ZNF816: variants seen among roughly 807,000 people sequenced by gnomAD.
ZNF816 encodes the protein zinc finger protein 816A.
A neutral mutation model predicts 8.3 loss-of-function variants in ZNF816; 11 were observed. That is an observed-to-expected ratio of 1.32 (90% CI 0.83 to 2.19). The LOEUF is 2.19. Ranked by LOEUF, ZNF816 falls within the 30% of genes most tolerant of loss-of-function variation. The pLI is 0.00. For missense variants in ZNF816, 710 were observed against 779.3 expected (o/e 0.91, Z 1.06); for synonymous variants, 255 against 254.5 (o/e 1.00, Z -0.02).
At chr19:52,955,211 A>C (rs565431517) in intron 2 of ZNF816, among the ~76,000 whole-genome samples, 3 of 152,322 alleles carry the variant, frequency 2.0e-5, no homozygotes, top group African/African-American at 7.2e-5. Context: ...AAACAAAAAA[A>C]AAGTCTCTGT....
intron 1 of ZNF816, among the ~76,000 whole-genome samples, chr19:52,960,694 GC>G (rs2083548876): frequency 2.0e-5 from 3 of 151,816 alleles, no homozygotes; most frequent in Non-Finnish European, 4.4e-5. Flanking sequence ...CTGGAACGTA[GC>G]CCCTGTGTGC....
chr19:52,950,682 C>T lies in ZNF816; in HGVS notation c.1093G>A (p.Gly365Arg), dbSNP rs1489115875. The T allele has an allele frequency of 5.0e-6, 8 of 1,614,082 alleles. No homozygotes were observed. Among genetic ancestry groups the T allele is most frequent in the Non-Finnish European group, 6.8e-6 (8 of 1,180,000 alleles). Reference protein sequence around the residue: ...ALVIHKAIHTGEKPYKCNECG... With the variant: ...ALVIHKAIHTREKPYKCNECG... ...TCATTACACTTGTAAGGTTTCTCTCCAGTATGAATTGCCTTATGAATTACA... is the reference window on the plus strand; with the variant it reads ...TCATTACACTTGTAAGGTTTCTCTCTAGTATGAATTGCCTTATGAATTACA... The change falls in exon 4 of 4, where the codon GGA becomes AGA. Residue 365 changes from glycine (G) to arginine (R), a missense_variant. Transcript: ENST00000444460.
chr19:52,961,198 C>T (rs1391763427), intron 1 of ZNF816, among the ~76,000 whole-genome samples: 1 of 152,180 alleles, frequency 6.6e-6, no homozygotes, highest in Non-Finnish European at 1.5e-5. Flanking sequence ...CCATCTAAGC[C>T]TCCTGCAACC....
intron 3 of ZNF816, chr19:52,952,515 A>T: frequency 1.5e-6 from 1 of 653,924 alleles, no homozygotes; most frequent in African/African-American, 1.9e-5. Context: ...GAGCAGGATG[A>T]TGTTCAATTG....
intron 1 of ZNF816, among the ~76,000 whole-genome samples, chr19:52,962,431 G>A (rs559321799): frequency 1.3e-5 from 2 of 152,104 alleles, no homozygotes; most frequent in Admixed American, 6.5e-5. Flanking sequence ...AGATGGAAAG[G>A]GAAAGAGCCC....
rs1344381697 is a variant in ZNF816 at position 52,957,473 on chromosome 19, G to A, written c.-15-1369C>T. 6.6e-6 allele frequency among the ~76,000 whole-genome samples: 1 copy of A among 152,158 alleles called. No individual in the cohort carries two copies. Among genetic ancestry groups the A allele is most frequent in the African/African-American group, 2.4e-5 (1 of 41,438 alleles). On this transcript the variant is annotated intron_variant, in intron 1 of 3. Coordinates refer to ENST00000444460, the MANE Select transcript of ZNF816 (RefSeq NM_001202457.3). This position sits in a 1 kb window ranked among gnomAD's most constrained non-coding sequence, Gnocchi z 4.6. Reference sequence around the variant, plus strand: ...CCTCAGCTAAAAGGAAAACAAGGTGGCTCAGAGCAGGAGGCCCCAGAAGGA... The same window carrying A: ...CCTCAGCTAAAAGGAAAACAAGGTGACTCAGAGCAGGAGGCCCCAGAAGGA...
chr19:52,955,516 T>C (rs566915930), intron 2 of ZNF816, among the ~76,000 whole-genome samples: 1 of 152,344 alleles, frequency 6.6e-6, no homozygotes, highest in South Asian at 2.1e-4. Flanking sequence ...AGTGACACCG[T>C]GTCTCTTAAA....
chr19:52,961,851 A>G (rs1010548154), intron 1 of ZNF816, among the ~76,000 whole-genome samples: 4 of 152,212 alleles, frequency 2.6e-5, no homozygotes, highest in South Asian at 2.1e-4. Context: ...TGGCCTCAGG[A>G]AGCCCGAGAG....
intron 2 of ZNF816, among the ~76,000 whole-genome samples, chr19:52,953,554 AT>A: frequency 2.1e-5 from 1 of 46,604 alleles, no homozygotes; most frequent in South Asian, 6.4e-4. Context: ...ACAATATTAT[AT>A]ATAATATGTA....
At chr19:52,961,098 A>G (rs1413345535) in intron 1 of ZNF816, among the ~76,000 whole-genome samples, 3 of 152,234 alleles carry the variant, frequency 2.0e-5, no homozygotes, top group Non-Finnish European at 4.4e-5. Flanking sequence ...TTATGAATGT[A>G]CAGGCACGTT....
intron 2 of ZNF816, 86 bp from the exon 3 acceptor site, chr19:52,952,963 T>C: frequency 2.7e-6 from 4 of 1,509,004 alleles, no homozygotes; most frequent in African/African-American, 1.4e-5. Context: ...AAAATAAGTA[T>C]TGATTTGATC....
intron 2 of ZNF816, 39 bp from the exon 3 acceptor site, chr19:52,952,916 G>A (rs906007583): frequency 1.0e-5 from 16 of 1,572,690 alleles, no homozygotes; most frequent in Non-Finnish European, 1.2e-5. Context: ...CATTATGGAG[G>A]AGTGAGTTAT....
intron 3 of ZNF816, chr19:52,951,827 G>T: frequency 2.1e-6 from 1 of 481,530 alleles, no homozygotes; most frequent in Non-Finnish European, 3.6e-6. Flanking sequence ...GAAGCCAGGA[G>T]GCAGAGGTTG....
At position 52,956,092 on chromosome 19, in the gene ZNF816, G is replaced by A. The variant is rs554414023; in HGVS notation, c.-3C>T. On this transcript the variant is annotated 5_prime_UTR_variant, in exon 2 of 4. Coordinates refer to ENST00000444460, the MANE Select transcript of ZNF816 (RefSeq NM_001202457.3). ...TTGGTGGCTTCCTCACGTAACATGA[G>A]TCTTTGGAAATCCTGTATGTTAAAA... 2.5e-6 allele frequency: 4 copies of A among 1,607,040 alleles called. No individual in the cohort carries two copies. The highest frequency in any genetic ancestry group is 3.4e-6 in the Non-Finnish European group (4 of 1,178,304).
intron 2 of ZNF816, 128 bp from the exon 3 acceptor site, chr19:52,953,005 G>A: frequency 7.0e-7 from 1 of 1,431,504 alleles, no homozygotes; most frequent in South Asian, 1.6e-5. Flanking sequence ...TTATGTTAAG[G>A]TATTTTTGAA....
In ZNF816 at chr19:52,949,934, ACT is replaced by A. The variant is rs754096803; in HGVS notation, c.1839_1840del (p.Arg613SerfsTer11). The A allele has an allele frequency of 1.9e-6, 3 of 1,613,546 alleles. No individual in the cohort carries two copies. The highest frequency in any genetic ancestry group is 2.5e-6 in the Non-Finnish European group (3 of 1,179,816). Reference sequence around the variant, plus strand: ...CTTGTAAGGTTTCTCTGCAGTATGAACTCTCTGATGTTTTGCAAGGCTTGCTT... The same window carrying A: ...CTTGTAAGGTTTCTCTGCAGTATGAACTCTGATGTTTTGCAAGGCTTGCTT... On this transcript the variant is annotated frameshift_variant, in exon 4 of 4. Transcript: ENST00000444460. LOFTEE classifies it low-confidence loss of function (END_TRUNC).
Position 52,949,949 on chromosome 19 carries a change from G to T in ZNF816, c.1826C>A (p.Ala609Glu). ...TGCAGTATGAACTCTCTGATGTTTT[G>T]CAAGGCTTGCTTTTTGATTAAAAAC... ...GKVFNQKASLAKHQRVHTAEK... is the reference protein window; with the variant it reads ...GKVFNQKASLEKHQRVHTAEK... The change falls in exon 4 of 4, where the codon GCA becomes GAA. Residue 609 changes from alanine to glutamate, a missense_variant. Physicochemically the swap from Ala to Glu is moderately radical, Grantham distance 107 (BLOSUM62 -1). Transcript: ENST00000444460. 1 of 1,613,784 alleles carries T rather than the reference G, an allele frequency of 6.2e-7. No individual in the cohort carries two copies. The highest frequency in any genetic ancestry group is 8.5e-7 in the Non-Finnish European group (1 of 1,179,874).
intron 1 of ZNF816, among the ~76,000 whole-genome samples, chr19:52,956,951 G>A (rs2083515733): frequency 6.6e-6 from 1 of 152,206 alleles, no homozygotes; most frequent in Non-Finnish European, 1.5e-5. Context: ...ATTGTATGAA[G>A]AAGCATTGCA....
Position 52,950,917 on chromosome 19 carries a change from C to A in ZNF816, c.858G>T (p.Lys286Asn), listed in dbSNP as rs2083452651. The A allele has an allele frequency of 6.2e-7, 1 of 1,614,054 alleles. No homozygotes were observed. The highest frequency in any genetic ancestry group is 1.3e-5 in the African/African-American group (1 of 74,930). Residue 286 changes from lysine to asparagine, a missense_variant, in exon 4 of 4, where the codon AAG becomes AAT. By Grantham distance (94) the Lys-to-Asn change is moderately conservative (BLOSUM62 0). Transcript: ENST00000444460. Reference sequence around the variant, plus strand: ...TGAAGGTCTTCCCACACTCATTACACTTGTAAGTTTTCTCACCAGTGTGAC... The same window carrying A: ...TGAAGGTCTTCCCACACTCATTACAATTGTAAGTTTTCTCACCAGTGTGAC... ...HRCHTGEKTY[K>N]CNECGKTFTQ... is the part of the protein sequence containing the mutation.
Sources: gnomAD v4.1 joint callset for allele counts (sites outside exome capture counted in the v4.1 genomes callset) on GRCh38, gnomAD v4.1.1 for gene constraint, Gnocchi (gnomAD v3.1) non-coding constraint, MANE v1.5 for transcripts, NCBI Gene and HGNC (gene_info 2026-07-23, HGNC 2026-07-21) for gene names.